WNT6: variants seen among roughly 807,000 people sequenced by gnomAD.
WNT6 encodes protein Wnt-6.
Under a neutral mutation model 33.1 loss-of-function variants are expected in WNT6, and 27 were observed. The observed-to-expected ratio is 0.82, with a 90% confidence interval of 0.60 to 1.12. The LOEUF (loss-of-function observed/expected upper bound fraction) is 1.12. Among genes scored for constraint, WNT6 ranks in the 50% most tolerant of loss-of-function variants. The pLI, the probability that WNT6 is intolerant of heterozygous loss-of-function variation, is 0.00. For missense variants in WNT6, 494 were observed against 535.3 expected (o/e 0.92, Z 0.76); for synonymous variants, 249 against 242.8 (o/e 1.03, Z -0.24).
At chr2:218,860,287 G>A (rs532758784) in intron 1 of WNT6, among the ~76,000 whole-genome samples, 170 bp downstream of exon 1, 2 of 152,204 alleles carry the variant, frequency 1.3e-5, no homozygotes, top group Admixed American at 6.5e-5. Context: ...CCTAACCCTC[G>A]GGAACATTCT....
In WNT6 at chr2:218,874,004, G is replaced by A; in HGVS notation, c.*159G>A. ...GGAAATGGTGAGGCGAGGGGCTTGA[G>A]AGGAACGCCCACCCACGAAGGCCCA... is the stretch of plus-strand genomic sequence containing the variant. On this transcript the variant is annotated 3_prime_UTR_variant, in exon 4 of 4. Coordinates refer to ENST00000233948, the MANE Select transcript of WNT6 (RefSeq NM_006522.4). 1.2e-5 allele frequency: 10 copies of A among 864,986 alleles called. No homozygotes were observed. The highest frequency in any genetic ancestry group is 1.6e-5 in the Non-Finnish European group (10 of 608,344). The allele number at this position is 864,986 out of a possible 1,614,324, so 53.6% of individuals were successfully genotyped here. A position where few individuals can be genotyped will look rare whatever the true frequency, so the allele number is the denominator to read the frequency against.
rs575418915 is a variant in WNT6, at chr2:218,871,926, G to A, written c.636+107G>A. ...AGTGAGGGTGTGTAGGTGGAGGGGG[G>A]CGTTAATGTGTGGGGGAGTGCGCAC... On this transcript the variant is annotated intron_variant, in intron 3 of 3. Coordinates refer to ENST00000233948, the MANE Select transcript of WNT6 (RefSeq NM_006522.4). This position sits in a 1 kb window ranked among gnomAD's most constrained non-coding sequence, Gnocchi z 6.4. The A allele has an allele frequency of 1.9e-5, 8 of 419,552 alleles. No homozygotes were observed. The highest frequency in any genetic ancestry group is 2.1e-4 in the East Asian group (2 of 9,366). 26.0% of individuals were successfully genotyped at this position (419,552 alleles called of 1,614,324 possible). A position where few individuals can be genotyped will look rare whatever the true frequency, so the allele number is the denominator to read the frequency against.
intron 1 of WNT6, among the ~76,000 whole-genome samples, chr2:218,864,984 G>A (rs989000889): frequency 6.6e-6 from 1 of 152,252 alleles, no homozygotes; most frequent in Non-Finnish European, 1.5e-5. Flanking sequence ...CAATGGGGCT[G>A]TGAGCAGAAA....
At chr2:218,868,216 C>A (rs978910844) in intron 1 of WNT6, among the ~76,000 whole-genome samples, 3 of 152,118 alleles carry the variant, frequency 2.0e-5, no homozygotes, top group Non-Finnish European at 4.4e-5. Context: ...AGTCCCCCAG[C>A]CCCAGCCCTA....
chr2:218,873,767 C>A lies in WNT6; in HGVS notation c.1020C>A (p.Cys340Ter), dbSNP rs1390772760. The change falls in exon 4 of 4, where the codon TGC (cysteine) becomes TGA (stop). Residue 340 changes from cysteine to a stop codon, truncating the protein, a stop_gained. Transcript: ENST00000233948. LOFTEE classifies it high-confidence loss of function. The surrounding 1 kb of genome is among the most constrained non-coding windows in gnomAD (Gnocchi z 6.1). ...AGAGCGTGCAGCTCGAAGAGAACTG[C>A]CTGTGCCGCTTCCACTGGTGCTGCG... ...RQESVQLEEN[C>*]LCRFHWCCVV... 6 of 1,586,252 alleles carry A rather than the reference C, an allele frequency of 3.8e-6. No homozygotes were observed. The highest frequency in any genetic ancestry group is 5.1e-6 in the Non-Finnish European group (6 of 1,172,542).
At chr2:218,862,522 TTTTAGTAGAGGTTTCACCATG>T (rs1393337494) in intron 1 of WNT6, among the ~76,000 whole-genome samples, 4 of 149,480 alleles carry the variant, frequency 2.7e-5, no homozygotes, top group Non-Finnish European at 4.5e-5. Context: ...GTTTTTGAAT[TTTTAGTAGAGGTTTCACCATG>T]TTTAGTAGAG....
rs769982396 is a variant in WNT6, at chr2:218,871,289, T to C, written c.301+42T>C. On this transcript the variant is annotated intron_variant, in intron 2 of 3. Transcript: ENST00000233948. This position sits in a 1 kb window ranked among gnomAD's most constrained non-coding sequence, Gnocchi z 6.4. ...GGCGGAAGTGGGGCTGCTTTCTCCC[T>C]GCTGTGGGACCCGAGGAGAGGAGAA... is the stretch of plus-strand genomic sequence containing the variant. 6 of 1,572,374 alleles carry C rather than the reference T, an allele frequency of 3.8e-6. No individual in the cohort carries two copies. Among genetic ancestry groups the C allele is most frequent in the Middle Eastern group, 4.0e-4 (2 of 5,024 alleles).
At chr2:218,872,202 C>G (rs1559409228) in intron 3 of WNT6, among the ~76,000 whole-genome samples, 2 of 151,860 alleles carry the variant, frequency 1.3e-5, no homozygotes, top group Non-Finnish European at 2.9e-5. Context: ...TAGGCAGGGG[C>G]AGGAGAATAA....
Position 218,871,013 on chromosome 2 carries a change from TCTC to T in WNT6, c.81-13_81-11del, listed in dbSNP as rs748101622. The stretch of plus-strand genomic sequence containing the variant: ...TTGGGTTACACCCCTGACCTGCTAT[TCTC>T]TGCTTTCCAGGGCTGTGGGCAGCCC... On this transcript the variant is annotated splice_polypyrimidine_tract_variant and intron_variant, in intron 1 of 3. Coordinates refer to ENST00000233948, the MANE Select transcript of WNT6 (RefSeq NM_006522.4). The surrounding 1 kb of genome is among the most constrained non-coding windows in gnomAD (Gnocchi z 6.4). The T allele has an allele frequency of 3.3e-5, 52 of 1,589,888 alleles. No individual in the cohort carries two copies. The highest frequency in any genetic ancestry group is 4.3e-5 in the Non-Finnish European group (50 of 1,163,982).
intron 1 of WNT6, among the ~76,000 whole-genome samples, chr2:218,869,884 A>G (rs927728184): frequency 1.3e-5 from 2 of 152,162 alleles, no homozygotes; most frequent in Admixed American, 1.3e-4. Flanking sequence ...ATGTCACCCT[A>G]ATGCGCAGGG....
intron 1 of WNT6, among the ~76,000 whole-genome samples, chr2:218,861,244 C>T (rs1292049111): frequency 1.3e-5 from 2 of 152,138 alleles, no homozygotes; most frequent in South Asian, 2.1e-4. Context: ...TGCGGAGAGC[C>T]GTCCGACGCT....
At chr2:218,869,814 C>T (rs971592579) in intron 1 of WNT6, among the ~76,000 whole-genome samples, 8 of 152,184 alleles carry the variant, frequency 5.3e-5, no homozygotes, top group Admixed American at 1.3e-4. Context: ...TCTGGAAGTG[C>T]GTGAGACTTC....
chr2:218,868,521 C>T (rs1160785863), intron 1 of WNT6, among the ~76,000 whole-genome samples: 2 of 152,032 alleles, frequency 1.3e-5, no homozygotes, highest in Non-Finnish European at 1.5e-5. Context: ...GCAGAGCCCC[C>T]GACTCACAGG....
Position 218,874,147 on chromosome 2 carries a change from A to G in WNT6, c.*302A>G, listed in dbSNP as rs1263611326. Reference sequence around the variant, plus strand: ...TTTTAGACTGGAAAAAAGCCAGTCTAAAGGCCTCTGGATACTGGGCTCCCC... The same window carrying G: ...TTTTAGACTGGAAAAAAGCCAGTCTGAAGGCCTCTGGATACTGGGCTCCCC... On this transcript the variant is annotated 3_prime_UTR_variant, in exon 4 of 4. Transcript: ENST00000233948. 2.6e-6 allele frequency: 1 copy of G among 391,064 alleles called. No individual in the cohort carries two copies. Among genetic ancestry groups the G allele is most frequent in the African/African-American group, 2.1e-5 (1 of 47,800 alleles). 24.2% of individuals were successfully genotyped at this position (391,064 alleles called of 1,614,324 possible). A position where few individuals can be genotyped will look rare whatever the true frequency, so the allele number is the denominator to read the frequency against.
rs1230360373 is a variant in WNT6 at position 218,871,624 on chromosome 2, C to G, written c.441C>G (p.Gly147=). 6.8e-7 allele frequency: 1 copy of G among 1,476,102 alleles called. No individual in the cohort carries two copies. Among genetic ancestry groups the G allele is most frequent in the African/African-American group, 1.5e-5 (1 of 68,444 alleles). The allele number at this position is 1,476,102 out of a possible 1,614,324, so 91.4% of individuals were successfully genotyped here. ...GGCGGGCCCCTCCCCGGCCCTCCGGCCTGCCCGGCACCCCCGGACCCCCTG... is the reference window on the plus strand; with the variant it reads ...GGCGGGCCCCTCCCCGGCCCTCCGGGCTGCCCGGCACCCCCGGACCCCCTG... ...PRGRAPPRPS[G]LPGTPGPPGP... is the part of the protein sequence containing the mutation. Residue 147 remains glycine (G), a synonymous_variant, in exon 3 of 4, where the codon GGC becomes GGG. Coordinates refer to ENST00000233948, the MANE Select transcript of WNT6 (RefSeq NM_006522.4). The surrounding 1 kb of genome is among the most constrained non-coding windows in gnomAD (Gnocchi z 6.4).
chr2:218,873,936 C>A lies in WNT6; in HGVS notation c.*91C>A. On this transcript the variant is annotated 3_prime_UTR_variant, in exon 4 of 4. Transcript: ENST00000233948. The surrounding 1 kb of genome is among the most constrained non-coding windows in gnomAD (Gnocchi z 6.1). The stretch of plus-strand genomic sequence containing the variant: ...CCGGCACCGGGCGCCTCTCGCCGCT[C>A]GAGCCCAGCCTCTCCCTGCCAAAGC... 7.9e-7 allele frequency: 1 copy of A among 1,272,660 alleles called. No homozygotes were observed. The highest frequency in any genetic ancestry group is 1.7e-5 in the South Asian group (1 of 59,800). 78.8% of individuals were successfully genotyped at this position (1,272,660 alleles called of 1,614,324 possible). A position where few individuals can be genotyped will look rare whatever the true frequency, so the allele number is the denominator to read the frequency against.
chr2:218,863,020 A>T (rs1944322992), intron 1 of WNT6, among the ~76,000 whole-genome samples: 1 of 152,074 alleles, frequency 6.6e-6, no homozygotes, highest in African/African-American at 2.4e-5. Flanking sequence ...TCTATTTCTG[A>T]CACTTCATCT....
rs1425783146 is a variant in WNT6 at position 218,873,010 on chromosome 2, G to T, written c.637-374G>T. On this transcript the variant is annotated intron_variant, in intron 3 of 3. Transcript: ENST00000233948. The surrounding 1 kb of genome is among the most constrained non-coding windows in gnomAD (Gnocchi z 6.1). ...GGCCGTGAGGGGTAGGAATGAGGGG[G>T]CCAGGTAGGCAGGAGAGCTAGACTT... 8.5e-5 allele frequency among the ~76,000 whole-genome samples: 13 copies of T among 152,156 alleles called. No homozygotes were observed. In the East Asian group the frequency reaches 2.5e-3, roughly 30 times the overall value.
At position 218,873,180 on chromosome 2, in the gene WNT6, C is replaced by T. The variant is rs1305353717; in HGVS notation, c.637-204C>T. Among the ~76,000 whole-genome samples, 1 of 152,168 alleles carries T rather than the reference C, an allele frequency of 6.6e-6. No individual in the cohort carries two copies. The highest frequency in any genetic ancestry group is 1.5e-5 in the Non-Finnish European group (1 of 68,030). ...TCCCCTCTTCGTCATCATCATATTC[C>T]TCCATCCTCACCATTCCTCCTGCTC... On this transcript the variant is annotated intron_variant, in intron 3 of 3. Coordinates refer to ENST00000233948, the MANE Select transcript of WNT6 (RefSeq NM_006522.4). This position sits in a 1 kb window ranked among gnomAD's most constrained non-coding sequence, Gnocchi z 6.1.
Sources: allele counts gnomAD v4.1 joint callset (sites outside exome capture counted in the v4.1 genomes callset), GRCh38; gene constraint gnomAD v4.1.1; non-coding constraint Gnocchi (gnomAD v3.1); transcripts MANE v1.5; gene names NCBI Gene and HGNC (gene_info 2026-07-23, HGNC 2026-07-21).